The following ZFYVE28 variants were observed in gnomAD, a reference collection of about 807,000 sequenced individuals.
ZFYVE28 encodes zinc finger FYVE-type containing 28.
A neutral mutation model predicts 82.1 loss-of-function variants in ZFYVE28; 40 were observed. The observed-to-expected ratio is 0.49, with a 90% CI of 0.38 to 0.63. ZFYVE28 has a LOEUF of 0.63. Among genes scored for constraint, ZFYVE28 ranks in the 30% least tolerant of loss-of-function variants. ZFYVE28 has a pLI of 0.00. For missense variants in ZFYVE28, 1,321 were observed against 1,242.1 expected (o/e 1.06, Z -0.96); for synonymous variants, 612 against 546.1 (o/e 1.12, Z -1.68).
At chr4:2,382,048 C>T (rs149939252) in intron 1 of ZFYVE28, among the ~76,000 whole-genome samples, 272 of 152,362 alleles carry the variant, frequency 1.8e-3, no homozygotes, top group African/African-American at 6.4e-3. Flanking sequence ...GCAGCTTCCA[C>T]ATGGTGTTGA....
chr4:2,378,110 C>T (rs986402673), intron 1 of ZFYVE28, among the ~76,000 whole-genome samples: 4 of 152,230 alleles, frequency 2.6e-5, no homozygotes, highest in South Asian at 2.1e-4. Flanking sequence ...GAGGCTGAAG[C>T]GGGCGGATCA....
intron 1 of ZFYVE28, among the ~76,000 whole-genome samples, chr4:2,366,686 G>A (rs1394357275): frequency 1.3e-5 from 2 of 152,176 alleles, no homozygotes; most frequent in African/African-American, 2.4e-5. Context: ...ATGGCAAAGG[G>A]CCCCTTTATC....
At chr4:2,364,290 G>T (rs984057532) in intron 1 of ZFYVE28, among the ~76,000 whole-genome samples, 29 of 152,340 alleles carry the variant, frequency 1.9e-4, no homozygotes, top group African/African-American at 6.7e-4. Flanking sequence ...CCCCCTGCAG[G>T]TGCCTGTGGG....
intron 8 of ZFYVE28, among the ~76,000 whole-genome samples, chr4:2,294,642 T>A (rs1714257152): frequency 6.6e-6 from 1 of 152,170 alleles, no homozygotes; most frequent in Non-Finnish European, 1.5e-5. Flanking sequence ...AAAGATACTG[T>A]TAGAATGAAA....
At chr4:2,404,042 C>T (rs957851447) in intron 1 of ZFYVE28, among the ~76,000 whole-genome samples, 25 of 151,224 alleles carry the variant, frequency 1.7e-4, no homozygotes, top group South Asian at 4.2e-4. Context: ...GAAGATGGGC[C>T]GGGCATGGTG....
At chr4:2,348,475 CAA>C (rs1489394023) in intron 2 of ZFYVE28, among the ~76,000 whole-genome samples, 1 of 152,182 alleles carries the variant, frequency 6.6e-6, no homozygotes, top group African/African-American at 2.4e-5. Flanking sequence ...CAAAATCAGA[CAA>C]AGACTGTGGG....
At chr4:2,399,566 A>G (rs1454858874) in intron 1 of ZFYVE28, among the ~76,000 whole-genome samples, 1 of 152,188 alleles carries the variant, frequency 6.6e-6, no homozygotes, top group Non-Finnish European at 1.5e-5. Flanking sequence ...GGCACATCAT[A>G]CATACCCAGT....
intron 1 of ZFYVE28, among the ~76,000 whole-genome samples, chr4:2,369,532 CG>C (rs1372394412): frequency 6.6e-6 from 1 of 152,232 alleles, no homozygotes; most frequent in Admixed American, 6.5e-5. Flanking sequence ...TTTGGAAAAA[CG>C]GTTGTTGCAG....
intron 1 of ZFYVE28, 63 bp from the exon 2 acceptor site, chr4:2,354,136 T>C (rs1724895277): frequency 7.1e-7 from 1 of 1,406,426 alleles, no homozygotes; most frequent in Non-Finnish European, 9.3e-7. Context: ...CCTCGGTTGG[T>C]TGCCTTGTCC....
chr4:2,354,089 G>A lies in ZFYVE28; in HGVS notation c.40-16C>T. ...GATCCGACCTCTGCAGGAGAGAGGG[G>A]CCAGGGCCATGAGTGGGTGGGGAAC... is the stretch of plus-strand genomic sequence containing the variant. On this transcript the variant is annotated splice_polypyrimidine_tract_variant and intron_variant, in intron 1 of 12. Transcript: ENST00000290974. 1 of 1,514,288 alleles carries A rather than the reference G, an allele frequency of 6.6e-7. No individual in the cohort carries two copies. The highest frequency in any genetic ancestry group is 8.9e-7 in the Non-Finnish European group (1 of 1,128,958). 93.8% of individuals were successfully genotyped at this position (1,514,288 alleles called of 1,614,324 possible). A position where few individuals can be genotyped will look rare whatever the true frequency, so the allele number is the denominator to read the frequency against.
chr4:2,309,791 A>G (rs751658519), intron 7 of ZFYVE28, among the ~76,000 whole-genome samples: 3 of 152,184 alleles, frequency 2.0e-5, no homozygotes, highest in African/African-American at 4.8e-5. Context: ...ATCTGTTTCT[A>G]TATCTATCTG....
chr4:2,398,728 C>G (rs1358089629), intron 1 of ZFYVE28, among the ~76,000 whole-genome samples: 2 of 2,956 alleles, frequency 6.8e-4, no homozygotes, highest in African/African-American at 3.1e-3. Flanking sequence ...GGGGCAAGAT[C>G]GAGGGCACAA....
At chr4:2,334,310 G>T (rs1721219253) in intron 6 of ZFYVE28, among the ~76,000 whole-genome samples, 1 of 152,054 alleles carries the variant, frequency 6.6e-6, no homozygotes, top group Non-Finnish European at 1.5e-5. Flanking sequence ...TGAGCGGCCT[G>T]GCCCAGGGGT....
intron 1 of ZFYVE28, among the ~76,000 whole-genome samples, chr4:2,365,319 AGCCT>A (rs1297452617): frequency 2.0e-5 from 3 of 151,698 alleles, no homozygotes; most frequent in Non-Finnish European, 2.9e-5. Flanking sequence ...CTGTCACTCG[AGCCT>A]GGAGCGCTGC....
At chr4:2,355,663 C>T (rs923464261) in intron 1 of ZFYVE28, among the ~76,000 whole-genome samples, 12 of 149,720 alleles carry the variant, frequency 8.0e-5, no homozygotes, top group African/African-American at 2.7e-4. Flanking sequence ...CTGCAACCTC[C>T]GCCTCCTGGG....
rs747303556 is a variant in ZFYVE28, at chr4:2,304,667, T to C, written c.1673A>G (p.Asn558Ser). 8 of 1,612,636 alleles carry C rather than the reference T, an allele frequency of 5.0e-6. No individual in the cohort carries two copies. The highest frequency in any genetic ancestry group is 6.8e-6 in the Non-Finnish European group (8 of 1,179,882). ...GCACACGCAGGAATGCAGAAGGCAG[T>C]TGGTGGCCCCAGTGCTAAGCTTGTG... ...GPHKLSTGAT[N>S]CLLHSCVCCG... The change falls in exon 8 of 13, where the codon AAC (asparagine) becomes AGC (serine). Residue 558 changes from asparagine (N) to serine (S), a missense_variant. Coordinates refer to ENST00000290974, the MANE Select transcript of ZFYVE28 (RefSeq NM_020972.3).
intron 1 of ZFYVE28, among the ~76,000 whole-genome samples, chr4:2,360,389 T>TCACACACACACA (rs10545681): frequency 1.8e-3 from 256 of 143,380 alleles, no homozygotes; most frequent in East Asian, 8.5e-3. Context: ...AGAGCTGTAA[T>TCACACACACACA]CACACACACA....
intron 7 of ZFYVE28, among the ~76,000 whole-genome samples, chr4:2,312,555 C>A (rs896350389): frequency 1.3e-5 from 2 of 151,582 alleles, no homozygotes; most frequent in Non-Finnish European, 2.9e-5. Flanking sequence ...GGTGAAACCC[C>A]GTCACTACTA....
rs892794558 is a variant in ZFYVE28, at chr4:2,304,820, C to T, written c.1520G>A (p.Arg507Gln). ...GGCTGAGAGCTTCATGCCCCCTGTC[C>T]GGTGGGCGATCATCTCAGCCGTCTC... ...DAETAEMIAH[R>Q]TGGMKLSATV... Residue 507 changes from arginine to glutamine, a missense_variant, in exon 8 of 13, where the codon CGG becomes CAG. By Grantham distance (43) the Arg-to-Gln change is conservative. Around this residue, in one of 2 missense-constraint regions of ZFYVE28, gnomAD observed 978 missense variants for 833.7 expected, o/e 1.17. Coordinates refer to ENST00000290974, the MANE Select transcript of ZFYVE28 (RefSeq NM_020972.3). 12 of 1,612,692 alleles carry T rather than the reference C, an allele frequency of 7.4e-6. No individual in the cohort carries two copies. The highest frequency in any genetic ancestry group is 1.6e-4 in the Middle Eastern group (1 of 6,062).
Sources: gnomAD v4.1 joint callset for allele counts (sites outside exome capture counted in the v4.1 genomes callset) on GRCh38, gnomAD v4.1.1 for gene constraint, gnomAD v4.1.1 regional missense constraint, MANE v1.5 for transcripts, NCBI Gene and HGNC (gene_info 2026-07-23, HGNC 2026-07-21) for gene names.